FAM120C: variants seen among roughly 807,000 people sequenced by gnomAD.
FAM120C encodes constitutive coactivator of PPAR-gamma-like protein 2.
In FAM120C, 14 loss-of-function variants were observed where a neutral mutation model predicts 71.2. The observed-to-expected ratio is 0.20, with a 90% CI of 0.13 to 0.31. FAM120C has a LOEUF of 0.31. Among genes scored for constraint, FAM120C ranks in the 10% least tolerant of loss-of-function variants. The pLI is 1.00. For synonymous variants in FAM120C, 354 were observed against 353.2 expected (o/e 1.00, Z -0.03); for missense variants, 500 against 879.0 (o/e 0.57, Z 5.45).
chrX:54,089,667 T>C (rs1290452463), intron 11 of FAM120C, among the ~76,000 whole-genome samples: 2 of 110,931 alleles, frequency 1.8e-5, no homozygotes, highest in Admixed American at 9.7e-5. Context: ...GTATATAAAA[T>C]ATGTGAAACA....
rs2066720294 is a variant in FAM120C at position 54,073,407 on chromosome X, T to A, written c.3037-120A>T. ...AGTTCTTCAAAAACACCAGAAGACCTCAAGCTGGTTGACAACTAGTACAAT... is the reference window on the plus strand; with the variant it reads ...AGTTCTTCAAAAACACCAGAAGACCACAAGCTGGTTGACAACTAGTACAAT... On this transcript the variant is annotated intron_variant, in intron 15 of 15. Transcript: ENST00000375180. 6.1e-6 allele frequency: 4 copies of A among 654,620 alleles called. No homozygotes were observed. The Admixed American group carries it at 1.2e-4, about 19-fold the overall frequency. 53.9% of individuals were successfully genotyped at this position (654,620 alleles called of 1,213,427 possible). A position where few individuals can be genotyped will look rare whatever the true frequency, so the allele number is the denominator to read the frequency against.
intron 9 of FAM120C, among the ~76,000 whole-genome samples, chrX:54,118,018 G>T (rs1326274844): frequency 1.8e-5 from 2 of 111,289 alleles, no homozygotes; most frequent in East Asian, 5.6e-4. Flanking sequence ...GAGGTCAGGA[G>T]TTCGAGACCA....
At chrX:54,128,336 G>A (rs782414583) in intron 9 of FAM120C, among the ~76,000 whole-genome samples, 2 of 112,725 alleles carry the variant, frequency 1.8e-5, no homozygotes, top group South Asian at 7.3e-4. Context: ...TGGGATTACA[G>A]GCGTGAGCCA....
chrX:54,123,984 G>A (rs1333002966), intron 9 of FAM120C, among the ~76,000 whole-genome samples: 1 of 86,284 alleles, frequency 1.2e-5, no homozygotes, highest in African/African-American at 4.3e-5. Flanking sequence ...TGCCATGTGA[G>A]GTGTCAGTGT....
At chrX:54,085,608 A>T in intron 13 of FAM120C, 107 bp downstream of exon 13, 1 of 732,044 alleles carries the variant, frequency 1.4e-6, no homozygotes, top group Non-Finnish European at 2.0e-6. Context: ...AAAGTCAATG[A>T]GATGAGATAT....
At chrX:54,100,220 G>A (rs782668234) in intron 10 of FAM120C, among the ~76,000 whole-genome samples, 1 of 109,394 alleles carries the variant, frequency 9.1e-6, no homozygotes, top group Non-Finnish European at 1.9e-5. Context: ...GGTTGGGCGC[G>A]GTGGCTCATG....
intron 4 of FAM120C, among the ~76,000 whole-genome samples, chrX:54,149,890 G>T (rs2067176417): frequency 8.9e-6 from 1 of 111,932 alleles, no homozygotes; most frequent in South Asian, 3.7e-4. Context: ...AAAAATAAGT[G>T]AGAAATCCAA....
In FAM120C at chrX:54,173,091, G is replaced by A. The variant is rs2067296951; in HGVS notation, c.699+9409C>T. ...CAACAAACACTTTTATAAAACTACT[G>A]CTTAAAAAAGCTTTCAACCCCTGGC... On this transcript the variant is annotated intron_variant, in intron 1 of 15. Transcript: ENST00000375180. Among the ~76,000 whole-genome samples, 4 of 112,048 alleles carry A rather than the reference G, an allele frequency of 3.6e-5. No individual in the cohort carries two copies. The South Asian group carries it at 1.5e-3, about 41-fold the overall frequency.
At chrX:54,182,040 G>A (rs2067352993) in intron 1 of FAM120C, among the ~76,000 whole-genome samples, 2 of 111,763 alleles carry the variant, frequency 1.8e-5, no homozygotes, top group South Asian at 7.4e-4. Flanking sequence ...GAAAAACAAT[G>A]TAGAAGAAAG....
chrX:54,079,422 T>C (rs969389554), intron 15 of FAM120C, among the ~76,000 whole-genome samples: 1 of 105,401 alleles, frequency 9.5e-6, no homozygotes, highest in Non-Finnish European at 1.9e-5. Flanking sequence ...CCTGCCTGAG[T>C]GACAGAGTGA....
At chrX:54,100,117 G>A (rs1193223050) in intron 10 of FAM120C, among the ~76,000 whole-genome samples, 3 of 111,110 alleles carry the variant, frequency 2.7e-5, no homozygotes, top group East Asian at 2.8e-4. Flanking sequence ...AGGCTGAGGC[G>A]GGAGGATCGC....
chrX:54,073,966 C>T (rs1330048369), intron 15 of FAM120C, among the ~76,000 whole-genome samples: 2 of 110,638 alleles, frequency 1.8e-5, no homozygotes, highest in African/African-American at 6.6e-5. Flanking sequence ...GCTGGGACTA[C>T]AGGCGTGCAC....
intron 1 of FAM120C, among the ~76,000 whole-genome samples, chrX:54,168,057 C>T (rs1237832200): frequency 3.6e-5 from 4 of 111,365 alleles, no homozygotes; most frequent in African/African-American, 1.3e-4. Context: ...AAAGAAGTGG[C>T]TTGCAAACTG....
intron 3 of FAM120C, among the ~76,000 whole-genome samples, chrX:54,152,285 G>A (rs2146629150): frequency 9.0e-6 from 1 of 111,703 alleles, no homozygotes; most frequent in South Asian, 3.7e-4. Context: ...TGTCGCCCAG[G>A]CTGGAGTGCA....
intron 10 of FAM120C, among the ~76,000 whole-genome samples, chrX:54,098,586 C>A (rs1322695144): frequency 1.8e-5 from 2 of 111,252 alleles, no homozygotes; most frequent in African/African-American, 3.3e-5. Context: ...ATCATTTTTT[C>A]ATGTGCTTAT....
At chrX:54,165,712 G>A (rs2067256327) in intron 1 of FAM120C, among the ~76,000 whole-genome samples, 3 of 110,354 alleles carry the variant, frequency 2.7e-5, no homozygotes, top group Non-Finnish European at 3.8e-5. Context: ...AGGAGGTAGC[G>A]GTTGTAGTGA....
rs1003087635 is a variant in FAM120C at position 54,134,408 on chromosome X, A to G, written c.1617-362T>C. Among the ~76,000 whole-genome samples the G allele has an allele frequency of 2.7e-5, 3 of 112,562 alleles. No individual in the cohort carries two copies. The Admixed American group carries it at 2.8e-4, about 11-fold the overall frequency. Reference sequence around the variant, plus strand: ...GGAATAATCAACGAACAAATGAGCTAGCACAAATCCCACTGTTTTAATCCT... The same window carrying G: ...GGAATAATCAACGAACAAATGAGCTGGCACAAATCCCACTGTTTTAATCCT... On this transcript the variant is annotated intron_variant, in intron 7 of 15. Transcript: ENST00000375180.
rs2066706711 is a variant in FAM120C at position 54,071,062 on chromosome X, G to C, written c.*1971C>G. On this transcript the variant is annotated 3_prime_UTR_variant, in exon 16 of 16. Coordinates refer to ENST00000375180, the MANE Select transcript of FAM120C (RefSeq NM_017848.6). ...CAAAAAGAACCCTGCTAGAAGATTA[G>C]TCAGTTGTATTTCTGTAGAAATGGT... 1 of 112,156 alleles carries C rather than the reference G, an allele frequency of 8.9e-6. No homozygotes were observed. Among genetic ancestry groups the C allele is most frequent in the African/African-American group, 3.2e-5 (1 of 30,911 alleles). The allele number at this position is 112,156 out of a possible 1,213,427, so 9.2% of individuals were successfully genotyped here. A position where few individuals can be genotyped will look rare whatever the true frequency, so the allele number is the denominator to read the frequency against.
intron 10 of FAM120C, among the ~76,000 whole-genome samples, chrX:54,104,866 C>G (rs1360553736): frequency 9.0e-6 from 1 of 110,702 alleles, no homozygotes; most frequent in Non-Finnish European, 1.9e-5. Context: ...AGGAAGAAGT[C>G]GAATCCCTGA....
Sources: gnomAD v4.1 joint callset for allele counts (sites outside exome capture counted in the v4.1 genomes callset) on GRCh38, gnomAD v4.1.1 for gene constraint, MANE v1.5 for transcripts, NCBI Gene and HGNC (gene_info 2026-07-23, HGNC 2026-07-21) for gene names.